Variants in GSAP observed in about 807,000 individuals in gnomAD.
GSAP encodes the protein gamma-secretase activating protein.
GSAP carries 118 observed loss-of-function variants against 131.7 expected under a neutral mutation model. The observed-to-expected ratio is 0.90, with a 90% confidence interval of 0.77 to 1.04. GSAP has a LOEUF of 1.04. Among genes scored for constraint, GSAP ranks in the 50% least tolerant of loss-of-function variants. The pLI is 0.00. For missense variants in GSAP, 1,019 were observed against 1,013.2 expected (o/e 1.01, Z -0.08); for synonymous variants, 381 against 363.4 (o/e 1.05, Z -0.55).
intron 26 of GSAP, among the ~76,000 whole-genome samples, chr7:77,317,272 G>A (rs1369572421): frequency 6.6e-6 from 1 of 150,588 alleles, no homozygotes; most frequent in Non-Finnish European, 1.5e-5. Flanking sequence ...ACTATCCCAA[G>A]GACAGAAAAC....
chr7:77,389,912 T>C (rs552283726), intron 5 of GSAP, among the ~76,000 whole-genome samples: 4,434 of 152,204 alleles, frequency 0.029, 215 homozygotes, highest in African/African-American at 0.1. Context: ...AGTGTGAAAG[T>C]GTTCCTATTT....
chr7:77,314,728 G>A (rs981767022), intron 26 of GSAP: 2 of 397,712 alleles, frequency 5.0e-6, no homozygotes, highest in Non-Finnish European at 4.7e-6. Flanking sequence ...GTCTCTTCCT[G>A]CACAGAAACA....
intron 8 of GSAP, among the ~76,000 whole-genome samples, chr7:77,381,026 T>C (rs750273809): frequency 1.3e-5 from 2 of 152,180 alleles, no homozygotes; most frequent in African/African-American, 2.4e-5. Context: ...TAACCTTGCA[T>C]AGGTTTGCAC....
chr7:77,346,677 T>G (rs1791924917), intron 19 of GSAP, among the ~76,000 whole-genome samples: 1 of 151,398 alleles, frequency 6.6e-6, no homozygotes, highest in South Asian at 2.1e-4. Context: ...GTCATTGCAC[T>G]CCAGCCTGGG....
intron 7 of GSAP, among the ~76,000 whole-genome samples, chr7:77,381,846 C>T (rs1401295413): frequency 1.3e-5 from 2 of 151,744 alleles, no homozygotes; most frequent in African/African-American, 4.8e-5. Context: ...ACACTAAAGA[C>T]AATCTGTGTA....
At chr7:77,386,426 T>C (rs1314202412) in intron 6 of GSAP, among the ~76,000 whole-genome samples, 1 of 152,220 alleles carries the variant, frequency 6.6e-6, no homozygotes, top group Non-Finnish European at 1.5e-5. Flanking sequence ...TTTGGGATTA[T>C]GATCCAAACC....
At position 77,376,851 on chromosome 7, in the gene GSAP, T is replaced by G; in HGVS notation, c.738A>C (p.Leu246Phe). 1 of 1,428,174 alleles carries G rather than the reference T, an allele frequency of 7.0e-7. No homozygotes were observed. Among genetic ancestry groups the G allele is most frequent in the Non-Finnish European group, 9.7e-7 (1 of 1,033,502 alleles). 88.5% of individuals were successfully genotyped at this position (1,428,174 alleles called of 1,614,324 possible). Residue 246 changes from leucine (L) to phenylalanine (F), a missense_variant, in exon 10 of 31, where the codon TTA (leucine) becomes TTC (phenylalanine). By Grantham distance (22) the Leu-to-Phe change is conservative (BLOSUM62 0). Coordinates refer to ENST00000257626, the MANE Select transcript of GSAP (RefSeq NM_017439.4). ...IQFYADESYN[L>F]MFEVPLDISL... ...TGTGATCATTTTCTGGACTTACCATTAAGTTATAGCTCTCATCAGCATAAA... is the reference window on the plus strand; with the variant it reads ...TGTGATCATTTTCTGGACTTACCATGAAGTTATAGCTCTCATCAGCATAAA...
intron 6 of GSAP, among the ~76,000 whole-genome samples, chr7:77,384,277 G>A (rs2068031): frequency 0.066 from 10,004 of 152,282 alleles, 429 homozygotes; most frequent in Non-Finnish European, 0.092. Flanking sequence ...TGCTGAAGAG[G>A]TGTAACTGCC....
intron 9 of GSAP, 28 bp downstream of exon 9, chr7:77,377,258 A>AAAAAAAAAAAAAAAG: frequency 2.9e-6 from 4 of 1,400,726 alleles, no homozygotes; most frequent in South Asian, 1.8e-5. Context: ...AAAAAAAAAA[A>AAAAAAAAAAAAAAAG]GGAGTGCCCG....
chr7:77,363,939 C>T (rs1255324566), intron 12 of GSAP, among the ~76,000 whole-genome samples: 1 of 152,006 alleles, frequency 6.6e-6, no homozygotes, highest in African/African-American at 2.4e-5. Flanking sequence ...TTACAAAAGT[C>T]TCATATACCA....
At chr7:77,353,479 G>T in intron 17 of GSAP, 93 bp downstream of exon 17, 9 of 691,586 alleles carry the variant, frequency 1.3e-5, no homozygotes, top group South Asian at 5.0e-5. Context: ...AGTAGCATTT[G>T]GACAGGTTGA....
At chr7:77,370,960 C>T (rs1210364918) in intron 12 of GSAP, among the ~76,000 whole-genome samples, 8 of 152,030 alleles carry the variant, frequency 5.3e-5, no homozygotes, top group African/African-American at 1.9e-4. Context: ...TTTTCCTTTT[C>T]GTTTGGATGT....
chr7:77,414,546 A>G (rs6465633), intron 1 of GSAP, among the ~76,000 whole-genome samples: 80,129 of 152,048 alleles, frequency 0.53, 21,539 homozygotes, highest in South Asian at 0.68. Context: ...GAGGACCTAG[A>G]GCTATCTGTT....
chr7:77,348,215 A>G (rs1262833368), intron 19 of GSAP, among the ~76,000 whole-genome samples: 1 of 152,160 alleles, frequency 6.6e-6, no homozygotes, highest in Non-Finnish European at 1.5e-5. Context: ...TAAGACTAGT[A>G]GAAAAGGCAG....
chr7:77,342,576 C>T (rs1419848359), intron 19 of GSAP, among the ~76,000 whole-genome samples: 2 of 152,106 alleles, frequency 1.3e-5, no homozygotes, highest in African/African-American at 2.4e-5. Context: ...TATCTCCCCA[C>T]CTTAATCCAC....
chr7:77,338,788 A>C (rs1328779440), intron 19 of GSAP, among the ~76,000 whole-genome samples: 1 of 152,238 alleles, frequency 6.6e-6, no homozygotes, highest in African/African-American at 2.4e-5. Flanking sequence ...TGAATCCTGA[A>C]GGGATGTAAA....
At chr7:77,360,189 A>G (rs1316497951) in intron 14 of GSAP, among the ~76,000 whole-genome samples, 1 of 152,228 alleles carries the variant, frequency 6.6e-6, no homozygotes, top group Non-Finnish European at 1.5e-5. Flanking sequence ...TCCATATGCC[A>G]TGTTCCATAT....
chr7:77,352,857 T>G (rs1455142517), intron 18 of GSAP, 87 bp downstream of exon 18: 1 of 743,284 alleles, frequency 1.3e-6, no homozygotes, highest in Non-Finnish European at 2.3e-6. Context: ...AATCACGACC[T>G]TGATGGCTAT....
At chr7:77,339,993 CA>C (rs1189433059) in intron 19 of GSAP, among the ~76,000 whole-genome samples, 1 of 152,208 alleles carries the variant, frequency 6.6e-6, no homozygotes, top group Non-Finnish European at 1.5e-5. Context: ...TACACGTATA[CA>C]TCCAGCTGGC....
Sources: allele counts gnomAD v4.1 joint callset (sites outside exome capture counted in the v4.1 genomes callset), GRCh38; gene constraint gnomAD v4.1.1; transcripts MANE v1.5; gene names NCBI Gene and HGNC (gene_info 2026-07-23, HGNC 2026-07-21).